The following GAS7 variants were observed in gnomAD, a reference collection of about 807,000 sequenced individuals.
The protein encoded by GAS7 is growth arrest-specific protein 7.
A neutral mutation model predicts 71.1 loss-of-function variants in GAS7; 28 were observed. The ratio of observed to expected loss-of-function variants is 0.39; its 90% CI spans 0.29 to 0.54. The LOEUF (loss-of-function observed/expected upper bound fraction) is 0.54. Ranked by LOEUF, GAS7 falls within the 20% of genes least tolerant of loss-of-function variation. The probability of loss-of-function intolerance (pLI) is 0.62; values close to 1 mark genes in which losing one functional copy is unlikely to be tolerated. For missense variants in GAS7, 436 were observed against 627.8 expected (o/e 0.69, Z 3.27); for synonymous variants, 258 against 245.8 (o/e 1.05, Z -0.46).
At position 10,026,658 on chromosome 17, in the gene GAS7, C is replaced by G. The variant is rs897371223; in HGVS notation, c.184-6761G>C. ...GTCAACCAATTACTAATGGGGCTGCCAGAGCCCACCAGGAAGATCAAGACC... is the reference window on the plus strand; with the variant it reads ...GTCAACCAATTACTAATGGGGCTGCGAGAGCCCACCAGGAAGATCAAGACC... On this transcript the variant is annotated intron_variant, in intron 1 of 13. Coordinates refer to ENST00000432992, the MANE Select transcript of GAS7 (RefSeq NM_201433.2). The surrounding 1 kb of genome is among the most constrained non-coding windows in gnomAD (Gnocchi z 4.5). 3.3e-4 allele frequency among the ~76,000 whole-genome samples: 50 copies of G among 152,188 alleles called. No individual in the cohort carries two copies. Among genetic ancestry groups the G allele is most frequent in the African/African-American group, 1.2e-3 (49 of 41,446 alleles).
chr17:10,034,010 A>T lies in GAS7; in HGVS notation c.184-14113T>A. ...CTCAGTAAGGGGTGCAATTCTCACC[A>T]ACCCGATTCAACTAACATTTCTGGA... On this transcript the variant is annotated intron_variant, in intron 1 of 13. Coordinates refer to ENST00000432992, the MANE Select transcript of GAS7 (RefSeq NM_201433.2). The surrounding 1 kb of genome is among the most constrained non-coding windows in gnomAD (Gnocchi z 4.4). 2.0e-6 allele frequency: 1 copy of T among 490,788 alleles called. No individual in the cohort carries two copies. Among genetic ancestry groups the T allele is most frequent in the Non-Finnish European group, 2.6e-6 (1 of 377,760 alleles). 30.4% of individuals were successfully genotyped at this position (490,788 alleles called of 1,614,324 possible). A position where few individuals can be genotyped will look rare whatever the true frequency, so the allele number is the denominator to read the frequency against.
At chr17:9,954,449 G>A (rs1218309416) in intron 5 of GAS7, among the ~76,000 whole-genome samples, 1 of 113,648 alleles carries the variant, frequency 8.8e-6, no homozygotes, top group African/African-American at 3.5e-5. Flanking sequence ...GTGGCCATCA[G>A]GGCAGTCTGC....
chr17:10,027,823 G>C (rs540810245), intron 1 of GAS7, among the ~76,000 whole-genome samples: 33 of 152,280 alleles, frequency 2.2e-4, no homozygotes, highest in Middle Eastern at 3.4e-3. Context: ...AGTTCAAGGA[G>C]AGCCTGGACA....
chr17:10,008,875 T>G (rs995638279), intron 2 of GAS7, among the ~76,000 whole-genome samples: 1 of 152,038 alleles, frequency 6.6e-6, no homozygotes, highest in African/African-American at 2.4e-5. Flanking sequence ...TCACATTTGC[T>G]CAACACAGAT....
chr17:10,058,561 A>G (rs1488604593), intron 1 of GAS7, among the ~76,000 whole-genome samples: 1 of 152,200 alleles, frequency 6.6e-6, no homozygotes, highest in Non-Finnish European at 1.5e-5. Context: ...TGATCAGAGG[A>G]GCCGTCTGAA....
chr17:9,953,189 T>C (rs2069091575), intron 5 of GAS7, among the ~76,000 whole-genome samples: 1 of 152,018 alleles, frequency 6.6e-6, no homozygotes, highest in African/African-American at 2.4e-5. Context: ...ATCATGTCCT[T>C]TGCAGGGACA....
rs1283365967 is a variant in GAS7, at chr17:10,094,760, G to A, written c.184-74863C>T. Among the ~76,000 whole-genome samples the A allele has an allele frequency of 3.3e-5, 5 of 152,080 alleles. No homozygotes were observed. The East Asian group carries it at 9.6e-4, about 29-fold the overall frequency. On this transcript the variant is annotated intron_variant, in intron 1 of 13. Transcript: ENST00000432992. The stretch of plus-strand genomic sequence containing the variant: ...TGGGATTACAGGTGTGAGCCACCGC[G>A]CCCGGCCACTCTCTGGATCTTTAAA...
At chr17:9,986,108 C>T (rs1316481336) in intron 2 of GAS7, among the ~76,000 whole-genome samples, 1 of 152,218 alleles carries the variant, frequency 6.6e-6, no homozygotes, top group East Asian at 1.9e-4. Flanking sequence ...TCAAATACGG[C>T]ACCTGGCCTG....
At position 9,915,752 on chromosome 17, in the gene GAS7, T is replaced by C. The variant is rs544675432; in HGVS notation, c.*1476A>G. 8.2e-5 allele frequency: 19 copies of C among 230,902 alleles called. No homozygotes were observed. Among genetic ancestry groups the C allele is most frequent in the Admixed American group, 3.4e-4 (6 of 17,732 alleles). The allele number at this position is 230,902 out of a possible 1,614,324, so 14.3% of individuals were successfully genotyped here. ...AACCCAAAGTGGTCAATGGGAAAGATGAAGAAAGATGGATTTCCAGGGCAT... is the reference window on the plus strand; with the variant it reads ...AACCCAAAGTGGTCAATGGGAAAGACGAAGAAAGATGGATTTCCAGGGCAT... On this transcript the variant is annotated 3_prime_UTR_variant, in exon 14 of 14. Transcript: ENST00000432992.
intron 8 of GAS7, among the ~76,000 whole-genome samples, chr17:9,936,701 C>T (rs191184441): frequency 1.1e-3 from 163 of 152,236 alleles, no homozygotes; most frequent in African/African-American, 3.7e-3. Context: ...ATCTGATAAA[C>T]GGTTAATGAA....
intron 1 of GAS7, among the ~76,000 whole-genome samples, chr17:10,163,052 A>T (rs1224981474): frequency 2.0e-5 from 3 of 152,220 alleles, no homozygotes; most frequent in African/African-American, 7.2e-5. Flanking sequence ...CAACAAAAAA[A>T]TATTTTAGAA....
At chr17:10,088,657 C>A (rs2073548095) in intron 1 of GAS7, among the ~76,000 whole-genome samples, 1 of 152,136 alleles carries the variant, frequency 6.6e-6, no homozygotes, top group African/African-American at 2.4e-5. Flanking sequence ...AATAAATCAT[C>A]CCAATTATAC....
intron 1 of GAS7, among the ~76,000 whole-genome samples, chr17:10,055,980 A>G (rs142433923): frequency 1.3e-5 from 2 of 152,348 alleles, no homozygotes; most frequent in East Asian, 3.9e-4. Flanking sequence ...CCCGCCAGGT[A>G]GAAGTGAATT....
intron 1 of GAS7, among the ~76,000 whole-genome samples, chr17:10,178,814 G>A (rs1169654706): frequency 6.8e-6 from 1 of 146,056 alleles, no homozygotes; most frequent in African/African-American, 2.5e-5. Context: ...TTCCCTGTGT[G>A]GGCTGTCACG....
Position 10,025,418 on chromosome 17 carries a change from C to T in GAS7, c.184-5521G>A, listed in dbSNP as rs192189077. Among the ~76,000 whole-genome samples the T allele has an allele frequency of 6.6e-5, 10 of 152,044 alleles. No homozygotes were observed. In the East Asian group the frequency reaches 1.9e-3, roughly 29 times the overall value. Reference sequence around the variant, plus strand: ...AGGATGACAACTCAAGCCTGATCCTCCTGTCTCCCAGTCCCCAAGTGAGCA... The same window carrying T: ...AGGATGACAACTCAAGCCTGATCCTTCTGTCTCCCAGTCCCCAAGTGAGCA... On this transcript the variant is annotated intron_variant, in intron 1 of 13. Transcript: ENST00000432992.
chr17:10,025,647 C>T (rs1174318884), intron 1 of GAS7, among the ~76,000 whole-genome samples: 2 of 151,894 alleles, frequency 1.3e-5, no homozygotes, highest in East Asian at 1.9e-4. Flanking sequence ...AACAAATCCC[C>T]CCACAGCAGT....
intron 2 of GAS7, among the ~76,000 whole-genome samples, chr17:10,009,054 C>T (rs890360401): frequency 1.3e-5 from 2 of 152,062 alleles, no homozygotes; most frequent in African/African-American, 4.8e-5. Context: ...GGCGCGGTGG[C>T]TCACGCCTGT....
chr17:10,105,266 T>C (rs1330205600), intron 1 of GAS7, among the ~76,000 whole-genome samples: 1 of 152,288 alleles, frequency 6.6e-6, no homozygotes, highest in East Asian at 1.9e-4. Context: ...TCTCTTGCCT[T>C]CCAGGTGTGG....
At chr17:10,032,341 G>A (rs1485392568) in intron 1 of GAS7, among the ~76,000 whole-genome samples, 3 of 152,104 alleles carry the variant, frequency 2.0e-5, no homozygotes, top group Non-Finnish European at 2.9e-5. Context: ...AACTGTTGAG[G>A]AATGTTGCTT....
Sources: gnomAD v4.1 joint callset for allele counts (sites outside exome capture counted in the v4.1 genomes callset) on GRCh38, gnomAD v4.1.1 for gene constraint, Gnocchi (gnomAD v3.1) non-coding constraint, MANE v1.5 for transcripts, NCBI Gene and HGNC (gene_info 2026-07-23, HGNC 2026-07-21) for gene names.